DCAF1: variants seen among roughly 807,000 people sequenced by gnomAD.
The protein encoded by DCAF1 is DDB1 and CUL4 associated factor 1.
In DCAF1, 15 loss-of-function variants were observed where a neutral mutation model predicts 128.0. The observed-to-expected ratio is 0.12, with a 90% CI of 0.08 to 0.18. The LOEUF (loss-of-function observed/expected upper bound fraction) is 0.18. Among genes scored for constraint, DCAF1 ranks in the 10% least tolerant of loss-of-function variants. DCAF1 has a pLI of 1.00. For synonymous variants in DCAF1, 610 were observed against 603.0 expected (o/e 1.01, Z -0.17); for missense variants, 988 against 1,649.5 (o/e 0.60, Z 6.95).
At chr3:51,413,130 C>T in intron 21 of DCAF1, 64 bp from the exon 22 acceptor site, 2 of 1,598,592 alleles carry the variant, frequency 1.3e-6, no homozygotes, top group African/African-American at 2.7e-5. Context: ...ACCTGCTTTT[C>T]CTCTAAAGGA....
At chr3:51,403,456 A>G in intron 23 of DCAF1, 61 bp from the exon 24 acceptor site, 1 of 1,532,920 alleles carries the variant, frequency 6.5e-7, no homozygotes, top group Non-Finnish European at 8.8e-7. Context: ...TGGGGGCCAC[A>G]TGGCGGGTCG....
chr3:51,398,096 C>T lies in DCAF1; in HGVS notation c.*673G>A, dbSNP rs1238084645. The T allele has an allele frequency of 6.5e-6, 1 of 153,038 alleles. No homozygotes were observed. The highest frequency in any genetic ancestry group is 6.6e-5 in the Admixed American group (1 of 15,266). The allele number at this position is 153,038 out of a possible 1,614,324, so 9.5% of individuals were successfully genotyped here. On this transcript the variant is annotated 3_prime_UTR_variant, in exon 25 of 25. Coordinates refer to ENST00000684031, the MANE Select transcript of DCAF1 (RefSeq NM_001387579.1). ...AGGTGAGTGAATTTAGGCATTTACC[C>T]AGCAGACAGAGTGCCTTCCTCCCCA...
intron 7 of DCAF1, among the ~76,000 whole-genome samples, chr3:51,443,268 C>T (rs1163782835): frequency 6.6e-6 from 1 of 152,044 alleles, no homozygotes; most frequent in African/African-American, 2.4e-5. Context: ...TATTGGCATA[C>T]AATGTCATCA....
Position 51,429,613 on chromosome 3 carries a change from C to T in DCAF1, c.1468-143G>A, listed in dbSNP as rs555627891. The T allele has an allele frequency of 4.8e-4, 300 of 620,286 alleles. 7 individuals are homozygous for T. The South Asian group carries it at 5.8e-3, about 12-fold the overall frequency. The allele number at this position is 620,286 out of a possible 1,614,324, so 38.4% of individuals were successfully genotyped here. On this transcript the variant is annotated intron_variant, in intron 11 of 24. Coordinates refer to ENST00000684031, the MANE Select transcript of DCAF1 (RefSeq NM_001387579.1). The stretch of plus-strand genomic sequence containing the variant: ...GCTTATGTATCAGTAAACTTTTATG[C>T]TTAACAAGACTGACAAATATCAACG...
At chr3:51,456,723 G>A (rs1553642937) in intron 6 of DCAF1, among the ~76,000 whole-genome samples, 1 of 152,192 alleles carries the variant, frequency 6.6e-6, no homozygotes. Context: ...AACTTCCAGA[G>A]GAACGATCAG....
In DCAF1 at chr3:51,441,458, A is replaced by G; in HGVS notation, c.953T>C (p.Leu318Pro). 6.2e-7 allele frequency: 1 copy of G among 1,614,026 alleles called. No homozygotes were observed. Among genetic ancestry groups the G allele is most frequent in the Non-Finnish European group, 8.5e-7 (1 of 1,179,892 alleles). ...SPWVIGTNYT[L>P]YPMTPAIEQR... ...CTCGATAGCAGGAGTCATAGGATAA[A>G]GGGTATAATTGGTGCCAATCACCCA... The change falls in exon 8 of 25, where the codon CTT becomes CCT. Residue 318 changes from leucine (L) to proline (P), a missense_variant. Coordinates refer to ENST00000684031, the MANE Select transcript of DCAF1 (RefSeq NM_001387579.1).
intron 16 of DCAF1, 111 bp downstream of exon 16, chr3:51,418,567 T>C (rs1699105917): frequency 1.3e-6 from 2 of 1,483,060 alleles, no homozygotes; most frequent in Non-Finnish European, 1.8e-6. Context: ...GACTTTCCAG[T>C]TGAGGACTCA....
intron 18 of DCAF1, 27 bp downstream of exon 18, chr3:51,416,760 T>C (rs1553630492): frequency 4.4e-6 from 7 of 1,594,410 alleles, no homozygotes; most frequent in Non-Finnish European, 6.0e-6. Flanking sequence ...ATGATCAGCT[T>C]GAAAACAGTG....
chr3:51,427,986 T>C (rs1700047164), intron 12 of DCAF1, among the ~76,000 whole-genome samples: 1 of 152,094 alleles, frequency 6.6e-6, no homozygotes, highest in South Asian at 2.1e-4. Context: ...ATAAATTAAA[T>C]AATAATACCT....
chr3:51,500,779 G>A (rs1042490145), upstream of DCAF1, among the ~76,000 whole-genome samples: 1 of 151,120 alleles, frequency 6.6e-6, no homozygotes, highest in Non-Finnish European at 1.5e-5. Flanking sequence ...TCGAACTCCT[G>A]GGCTGAGTTC....
intron 9 of DCAF1, chr3:51,437,266 CAAAAAAAAAAA>C (rs71633071): frequency 9.0e-5 from 23 of 256,598 alleles, no homozygotes; most frequent in African/African-American, 2.9e-4. Flanking sequence ...GACTCCATGT[CAAAAAAAAAAA>C]AAAAAAAAAA....
At position 51,498,049 on chromosome 3, in the gene DCAF1, C is replaced by CAAAA. The variant is rs56734063; in HGVS notation, c.-55-1273_-55-1270dup. Among the ~76,000 whole-genome samples the CAAAA allele has an allele frequency of 3.6e-3, 76 of 20,830 alleles. 14 individuals are homozygous for CAAAA. The highest frequency in any genetic ancestry group is 5.0e-3 in the Non-Finnish European group (57 of 11,388). 13.7% of individuals were successfully genotyped at this position (20,830 alleles called of 152,430 possible). On this transcript the variant is annotated intron_variant, in intron 1 of 24. Coordinates refer to ENST00000684031, the MANE Select transcript of DCAF1 (RefSeq NM_001387579.1). The stretch of plus-strand genomic sequence containing the variant: ...TGGGCAACACAGTGAGACTCTGTCT[C>CAAAA]AAAAAAAAAAAAAAAAAAAAAAAAA...
At chr3:51,499,409 G>C (rs1708591617) in intron 1 of DCAF1, among the ~76,000 whole-genome samples, 3 of 152,214 alleles carry the variant, frequency 2.0e-5, no homozygotes, top group Admixed American at 6.5e-5. Flanking sequence ...AGAGACGGGA[G>C]AGCCCGCCCA....
chr3:51,478,477 A>G (rs909065899), intron 3 of DCAF1, among the ~76,000 whole-genome samples: 5 of 152,174 alleles, frequency 3.3e-5, no homozygotes, highest in Admixed American at 2.0e-4. Flanking sequence ...TAAGTGCTCA[A>G]AGAATATTTC....
intron 3 of DCAF1, among the ~76,000 whole-genome samples, chr3:51,476,830 G>T (rs1340143127): frequency 6.6e-6 from 1 of 151,860 alleles, no homozygotes; most frequent in Non-Finnish European, 1.5e-5. Context: ...AGCTGAGATC[G>T]CACCACTGCA....
In DCAF1 at chr3:51,443,845, G is replaced by A; in HGVS notation, c.434C>T (p.Thr145Ile). Reference sequence around the variant, plus strand: ...ACCTCCTAACAGTCCAGTAGAATATGTCCTCAATGGTTGATCGGCCTCTCG... The same window carrying A: ...ACCTCCTAACAGTCCAGTAGAATATATCCTCAATGGTTGATCGGCCTCTCG... The part of the protein sequence containing the change: ...WAREADQPLR[T>I]YSTGLLGGAM... The change falls in exon 7 of 25, where the codon ACA (threonine) becomes ATA (isoleucine). Residue 145 changes from threonine to isoleucine, a missense_variant. Thr to Ile is a moderately conservative substitution (Grantham distance 89, BLOSUM62 -1). Transcript: ENST00000684031. The A allele has an allele frequency of 6.2e-7, 1 of 1,612,086 alleles. No homozygotes were observed. Among genetic ancestry groups the A allele is most frequent in the Admixed American group, 1.7e-5 (1 of 59,360 alleles).
Position 51,443,745 on chromosome 3 carries a change from T to G in DCAF1, c.513+21A>C, listed in dbSNP as rs781947776. 3.2e-6 allele frequency: 5 copies of G among 1,572,552 alleles called. No individual in the cohort carries two copies. The East Asian group carries it at 9.1e-5, about 28-fold the overall frequency. ...ATACTCTCCCATTTTATATAAAAAT[T>G]TATTCTAACACAGTCCTTACCAGCT... On this transcript the variant is annotated intron_variant, in intron 7 of 24. Transcript: ENST00000684031.
At chr3:51,452,321 G>T (rs1259507812) in intron 6 of DCAF1, among the ~76,000 whole-genome samples, 1 of 151,974 alleles carries the variant, frequency 6.6e-6, no homozygotes, top group East Asian at 1.9e-4. Context: ...GAGAAATAAT[G>T]ATTTCTGACT....
intron 24 of DCAF1, among the ~76,000 whole-genome samples, chr3:51,401,264 G>C (rs563916846): frequency 6.6e-6 from 1 of 152,260 alleles, no homozygotes; most frequent in African/African-American, 2.4e-5. Flanking sequence ...GCGCATGGGT[G>C]TGGTTTTCTA....
Sources: gnomAD v4.1 joint callset for allele counts (sites outside exome capture counted in the v4.1 genomes callset) on GRCh38, gnomAD v4.1.1 for gene constraint, MANE v1.5 for transcripts, NCBI Gene and HGNC (gene_info 2026-07-23, HGNC 2026-07-21) for gene names.